PDPR: variants seen among roughly 807,000 people sequenced by gnomAD.
PDPR encodes the protein pyruvate dehydrogenase phosphatase regulatory subunit.
Under a neutral mutation model 102.2 loss-of-function variants are expected in PDPR, and 50 were observed. That is an observed-to-expected ratio of 0.49 (90% confidence interval 0.39 to 0.62). The LOEUF (loss-of-function observed/expected upper bound fraction) is 0.62. Among genes scored for constraint, PDPR ranks in the 20% least tolerant of loss-of-function variants. The pLI, the probability that PDPR is intolerant of heterozygous loss-of-function variation, is 0.00. For missense variants in PDPR, 625 were observed against 1,098.2 expected (o/e 0.57, Z 6.09); for synonymous variants, 259 against 406.0 (o/e 0.64, Z 4.35).
At chr16:70,121,072 G>T (rs1963214968) in intron 3 of PDPR, among the ~76,000 whole-genome samples, 2 of 151,110 alleles carry the variant, frequency 1.3e-5, no homozygotes, top group African/African-American at 2.4e-5. Flanking sequence ...CTACAGGCAT[G>T]ACCCACTGTA....
chr16:70,153,308 T>C (rs1032041921), intron 17 of PDPR, 83 bp from the exon 18 acceptor site: 1 of 1,381,984 alleles, frequency 7.2e-7, no homozygotes, highest in South Asian at 1.4e-5. Context: ...ATGTTAATAG[T>C]GTGAGCCATC....
At chr16:70,129,997 A>T (rs1250852813) in intron 6 of PDPR, among the ~76,000 whole-genome samples, 1 of 152,264 alleles carries the variant, frequency 6.6e-6, no homozygotes, top group African/African-American at 2.4e-5. Context: ...TGTTTTTTTT[A>T]AATGAAAGCA....
intron 4 of PDPR, 68 bp from the exon 5 acceptor site, chr16:70,128,716 G>C: frequency 6.2e-7 from 1 of 1,611,854 alleles, no homozygotes; most frequent in Non-Finnish European, 8.5e-7. Context: ...CTATAATCTA[G>C]TGGATTTTCC....
chr16:70,133,891 G>A (rs1336903255), intron 9 of PDPR, among the ~76,000 whole-genome samples: 2 of 152,076 alleles, frequency 1.3e-5, no homozygotes, highest in African/African-American at 2.4e-5. Context: ...GCGCCACCAC[G>A]CCTGGCTAAT....
chr16:70,134,940 G>A (rs1414575944), intron 9 of PDPR, among the ~76,000 whole-genome samples: 2 of 152,208 alleles, frequency 1.3e-5, no homozygotes, highest in African/African-American at 4.8e-5. Context: ...AAAGTGGATA[G>A]AAGCTGGGCA....
At chr16:70,153,248 G>A (rs1178118262) in intron 17 of PDPR, 143 bp from the exon 18 acceptor site, 15 of 929,120 alleles carry the variant, frequency 1.6e-5, no homozygotes, top group Admixed American at 2.9e-5. Flanking sequence ...TGCCCTGAGC[G>A]TGTCAAGGAT....
rs1197180660 is a variant in PDPR at position 70,159,117 on chromosome 16, G to T, written c.*2238G>T. 1 of 152,340 alleles carries T rather than the reference G, an allele frequency of 6.6e-6. No individual in the cohort carries two copies. Among genetic ancestry groups the T allele is most frequent in the Non-Finnish European group, 1.5e-5 (1 of 68,078 alleles). The allele number at this position is 152,340 out of a possible 1,614,324, so 9.4% of individuals were successfully genotyped here. A position where few individuals can be genotyped will look rare whatever the true frequency, so the allele number is the denominator to read the frequency against. Reference sequence around the variant, plus strand: ...GTCAAATAGAAGCTTCATCAGAAATGTATCCCACATAGAGTTTTAAGACTT... The same window carrying T: ...GTCAAATAGAAGCTTCATCAGAAATTTATCCCACATAGAGTTTTAAGACTT... On this transcript the variant is annotated 3_prime_UTR_variant, in exon 19 of 19. Coordinates refer to ENST00000288050, the MANE Select transcript of PDPR (RefSeq NM_017990.5).
In PDPR at chr16:70,131,860, T is replaced by A. The variant is rs1597326943; in HGVS notation, c.848-291T>A. ...ACCCCCCTCTCTGTTAAACTTTCGC[T>A]TGGCACAGTGGGAGTTACGTGGTTT... On this transcript the variant is annotated intron_variant, in intron 8 of 18. Coordinates refer to ENST00000288050, the MANE Select transcript of PDPR (RefSeq NM_017990.5). 5 of 1,427,858 alleles carry A rather than the reference T, an allele frequency of 3.5e-6. No homozygotes were observed. The Admixed American group carries it at 1.1e-4, about 31-fold the overall frequency. The allele number at this position is 1,427,858 out of a possible 1,614,324, so 88.4% of individuals were successfully genotyped here.
chr16:70,120,607 C>G lies in PDPR; in HGVS notation c.115C>G (p.Leu39Val). 6.2e-7 allele frequency: 1 copy of G among 1,613,890 alleles called. No homozygotes were observed. Among genetic ancestry groups the G allele is most frequent in the Non-Finnish European group, 8.5e-7 (1 of 1,179,766 alleles). The change falls in exon 3 of 19, where the codon CTG (leucine) becomes GTG (valine). Residue 39 changes from leucine (L) to valine (V), a missense_variant. Leu to Val is a conservative substitution (Grantham distance 32). Transcript: ENST00000288050. The stretch of plus-strand genomic sequence containing the variant: ...AGCTGCCGAGGCGCGTTCCATGGCC[C>G]TGCCCACCCAGGCACAGGTGGTCAT... ...TSAAEARSMA[L>V]PTQAQVVICG... is the part of the protein sequence containing the mutation.
chr16:70,125,761 A>G, intron 3 of PDPR, among the ~76,000 whole-genome samples: 1 of 152,098 alleles, frequency 6.6e-6, no homozygotes, highest in East Asian at 1.9e-4. Context: ...AGCCTTCTGA[A>G]TAGCTGGGAT....
chr16:70,124,968 A>G (rs1963771292), intron 3 of PDPR, among the ~76,000 whole-genome samples: 1 of 152,284 alleles, frequency 6.6e-6, no homozygotes, highest in African/African-American at 2.4e-5. Flanking sequence ...TTTGGGCCCT[A>G]GCATTACTGT....
intron 10 of PDPR, among the ~76,000 whole-genome samples, chr16:70,138,038 CTTTTTT>C (rs200071207): frequency 3.4e-5 from 4 of 118,370 alleles, no homozygotes; most frequent in South Asian, 2.7e-4. Context: ...ATACCCAGCT[CTTTTTT>C]TTTTTTTTTT....
chr16:70,144,680 G>A (rs1396740316), intron 15 of PDPR, 147 bp downstream of exon 15: 1 of 646,920 alleles, frequency 1.5e-6, no homozygotes, highest in Non-Finnish European at 2.8e-6. Context: ...ATCTCTAGGG[G>A]ATGCGGTGGC....
Position 70,153,449 on chromosome 16 carries a change from A to G in PDPR, c.2111A>G (p.Asn704Ser), listed in dbSNP as rs760023064. The G allele has an allele frequency of 6.2e-7, 1 of 1,613,932 alleles. No individual in the cohort carries two copies. Among genetic ancestry groups the G allele is most frequent in the Non-Finnish European group, 8.5e-7 (1 of 1,179,846 alleles). Residue 704 changes from asparagine to serine, a missense_variant, in exon 18 of 19, where the codon AAT becomes AGT. By Grantham distance (46) the Asn-to-Ser change is conservative. Transcript: ENST00000288050. ...MSVGQKYGIR[N>S]AGYYALRSLR... ...GTTGGCCAGAAATACGGAATCCGGA[A>G]TGCTGGGTATTACGCTCTTCGCAGT... is the stretch of plus-strand genomic sequence containing the variant.
chr16:70,144,122 G>A (rs1356746264), intron 14 of PDPR, among the ~76,000 whole-genome samples: 1 of 151,718 alleles, frequency 6.6e-6, no homozygotes. Context: ...GAACACCTGA[G>A]CTCAAGCAAT....
chr16:70,140,300 C>T (rs1245323092), intron 11 of PDPR, among the ~76,000 whole-genome samples: 4 of 152,254 alleles, frequency 2.6e-5, no homozygotes, highest in Non-Finnish European at 5.9e-5. Context: ...ATGATGGTGC[C>T]ACTGTGTACT....
Position 70,157,739 on chromosome 16 carries a change from G to T in PDPR, c.*860G>T. 1 of 156,504 alleles carries T rather than the reference G, an allele frequency of 6.4e-6. No homozygotes were observed. Among genetic ancestry groups the T allele is most frequent in the Non-Finnish European group, 1.4e-5 (1 of 70,582 alleles). 9.7% of individuals were successfully genotyped at this position (156,504 alleles called of 1,614,324 possible). A position where few individuals can be genotyped will look rare whatever the true frequency, so the allele number is the denominator to read the frequency against. On this transcript the variant is annotated 3_prime_UTR_variant, in exon 19 of 19. Transcript: ENST00000288050. Reference sequence around the variant, plus strand: ...CCCCACCAGTGATGCTGAGTGTTCTGCTATGGAAACAATGCTGCTTTTCTC... The same window carrying T: ...CCCCACCAGTGATGCTGAGTGTTCTTCTATGGAAACAATGCTGCTTTTCTC...
At chr16:70,118,138 GA>G (rs1376305333) in intron 2 of PDPR, among the ~76,000 whole-genome samples, 1 of 151,810 alleles carries the variant, frequency 6.6e-6, no homozygotes, top group Non-Finnish European at 1.5e-5. Context: ...AAAAGGGAGG[GA>G]AACGTTGCAG....
At chr16:70,141,478 G>C (rs1201664300) in intron 11 of PDPR, among the ~76,000 whole-genome samples, 1 of 152,282 alleles carries the variant, frequency 6.6e-6, no homozygotes, top group African/African-American at 2.4e-5. Flanking sequence ...TCAGAAGTGA[G>C]TTAATTATCA....
Sources: gnomAD v4.1 joint callset for allele counts (sites outside exome capture counted in the v4.1 genomes callset) on GRCh38, gnomAD v4.1.1 for gene constraint, MANE v1.5 for transcripts, NCBI Gene and HGNC (gene_info 2026-07-23, HGNC 2026-07-21) for gene names.